Variants in C19orf47 observed in about 807,000 individuals in gnomAD.
The protein encoded by C19orf47 is chromosome 19 open reading frame 47.
In C19orf47, 18 loss-of-function variants were observed where a neutral mutation model predicts 32.3. The ratio of observed to expected loss-of-function variants is 0.56; its 90% confidence interval spans 0.39 to 0.83. C19orf47 has a LOEUF of 0.83. C19orf47 is among the 40% of genes least tolerant of loss of function. The probability of loss-of-function intolerance (pLI) is 0.00; values close to 1 mark genes in which losing one functional copy is unlikely to be tolerated. For synonymous variants in C19orf47, 202 were observed against 211.1 expected, an observed-to-expected ratio of 0.96 and a Z score of 0.37; for missense variants, 484 against 531.6, an observed-to-expected ratio of 0.91 and a Z score of 0.88.
Position 40,321,132 on chromosome 19 carries a change from G to T in C19orf47, c.*750C>A. The T allele has an allele frequency of 1.5e-6, 1 of 668,536 alleles. No homozygotes were observed. The highest frequency in any genetic ancestry group is 1.9e-6 in the Non-Finnish European group (1 of 538,956). 41.4% of individuals were successfully genotyped at this position (668,536 alleles called of 1,614,324 possible). A position where few individuals can be genotyped will look rare whatever the true frequency, so the allele number is the denominator to read the frequency against. On this transcript the variant is annotated 3_prime_UTR_variant, in exon 9 of 9. Transcript: ENST00000683109. ...CTAGGCACTGGCCTCCCTTCCCAGT[G>T]CCCCTTGCCCACCACCCGCCATACA...
At chr19:40,295,538 G>A in the C19orf47 span, among the ~76,000 whole-genome samples, 6 of 151,266 alleles carry the variant, frequency 4.0e-5, no homozygotes, top group African/African-American at 1.2e-4. Flanking sequence ...AGGTTCAAGC[G>A]ATTCTCCCTG....
intron 1 of C19orf47, 109 bp downstream of exon 1, chr19:40,348,215 T>C (rs2078365453): frequency 2.6e-5 from 18 of 684,312 alleles, no homozygotes; most frequent in Non-Finnish European, 3.8e-5. Flanking sequence ...AAGAAACAAA[T>C]CGTAAGTCCG....
At chr19:40,337,322 A>ATTATTATTATTATT (rs1568621554) in intron 2 of C19orf47, among the ~76,000 whole-genome samples, 50 of 149,812 alleles carry the variant, frequency 3.3e-4, no homozygotes, top group African/African-American at 1.1e-3. Context: ...TATTATTATT[A>ATTATTATTATTATT]CTATTACTCC....
chr19:40,337,513 T>C (rs2078089309), intron 2 of C19orf47, among the ~76,000 whole-genome samples: 1 of 151,988 alleles, frequency 6.6e-6, no homozygotes, highest in Non-Finnish European at 1.5e-5. Context: ...CATTTTGACA[T>C]CTCTGAAACT....
chr19:40,322,169 T>A lies in C19orf47; in HGVS notation c.871A>T (p.Thr291Ser). Reference protein sequence around the residue: ...TSSATTAAAPTLRRLALSSRS... With the variant: ...TSSATTAAAPSLRRLALSSRS... ...GAGGAAAGCGCCAGGCGCCGCAGTG[T>A]CGGGGCAGCAGCCGTTGTCGCTGAG... is the stretch of plus-strand genomic sequence containing the variant. The change falls in exon 9 of 9, where the codon ACA becomes TCA. Residue 291 changes from threonine to serine, a missense_variant. Around this residue, in one of 3 missense-constraint regions of C19orf47, gnomAD observed 376 missense variants for 370.2 expected, o/e 1.02. Transcript: ENST00000683109. 1 of 1,612,690 alleles carries A rather than the reference T, an allele frequency of 6.2e-7. No individual in the cohort carries two copies. The highest frequency in any genetic ancestry group is 8.5e-7 in the Non-Finnish European group (1 of 1,179,812).
In C19orf47 at chr19:40,321,891, C is replaced by T. The variant is rs759745203; in HGVS notation, c.1149G>A (p.Arg383=). The part of the protein sequence containing the change: ...TVSVFKRLGR[R]TF The stretch of plus-strand genomic sequence containing the variant: ...CCCGCCCACAGGTGGGCTAGAAGGT[C>T]CTGCGGCCCAGTCTTTTGAACACGC... The change falls in exon 9 of 9, where the codon AGG becomes AGA. Residue 383 remains arginine, a synonymous_variant. Transcript: ENST00000683109. 51 of 1,594,822 alleles carry T rather than the reference C, an allele frequency of 3.2e-5. 1 individual carries two copies. In the South Asian group the frequency reaches 5.5e-4, roughly 17 times the overall value.
Position 40,348,332 on chromosome 19 carries a change from C to A in C19orf47, c.-42G>T. On this transcript the variant is annotated 5_prime_UTR_variant, in exon 1 of 9. Coordinates refer to ENST00000683109, the MANE Select transcript of C19orf47 (RefSeq NM_001256441.2). Reference sequence around the variant, plus strand: ...CCCGGCCCGCGCCTCACCTGGCCCACCGGGCCCGCGCCCACTCGCGCCGCC... The same window carrying A: ...CCCGGCCCGCGCCTCACCTGGCCCAACGGGCCCGCGCCCACTCGCGCCGCC... The A allele has an allele frequency of 7.4e-7, 1 of 1,359,532 alleles. No homozygotes were observed. The highest frequency in any genetic ancestry group is 9.4e-7 in the Non-Finnish European group (1 of 1,058,776). The allele number at this position is 1,359,532 out of a possible 1,614,324, so 84.2% of individuals were successfully genotyped here. A position where few individuals can be genotyped will look rare whatever the true frequency, so the allele number is the denominator to read the frequency against.
rs2077734337 is a variant in C19orf47, at chr19:40,322,211, T to G, written c.829A>C (p.Lys277Gln). The G allele has an allele frequency of 6.2e-7, 1 of 1,610,574 alleles. No homozygotes were observed. The highest frequency in any genetic ancestry group is 8.5e-7 in the Non-Finnish European group (1 of 1,179,964). Residue 277 changes from lysine (K) to glutamine (Q), a missense_variant, in exon 9 of 9, where the codon AAA becomes CAA. Physicochemically the swap from Lys to Gln is moderately conservative, Grantham distance 53. Coordinates refer to ENST00000683109, the MANE Select transcript of C19orf47 (RefSeq NM_001256441.2). ...KASPQPALTV[K>Q]AKATSSATTA... ...GTCGCTGAGCTTGTGGCCTTGGCTT[T>G]GACAGTCAGTGCTGGCTGGGGACTG...
chr19:40,294,428 T>A, the C19orf47 span, among the ~76,000 whole-genome samples: 1 of 148,716 alleles, frequency 6.7e-6, no homozygotes, highest in Admixed American at 6.7e-5. Flanking sequence ...GTTTGGTTAT[T>A]TTTTTTTTTG....
intron 8 of C19orf47, among the ~76,000 whole-genome samples, chr19:40,322,930 C>T (rs925121518): frequency 1.3e-5 from 2 of 152,190 alleles, no homozygotes; most frequent in African/African-American, 4.8e-5. Flanking sequence ...CGGAGAAGGA[C>T]AGCTGGAGGG....
At chr19:40,317,835 T>C (rs1203305812), downstream of C19orf47, among the ~76,000 whole-genome samples, 1 of 151,964 alleles carries the variant, frequency 6.6e-6, no homozygotes, top group Non-Finnish European at 1.5e-5. Context: ...TTCTCGTGTC[T>C]CAGCCTCCCA....
chr19:40,315,339 T>C (rs1791979650), downstream of C19orf47, among the ~76,000 whole-genome samples: 1 of 152,192 alleles, frequency 6.6e-6, no homozygotes, highest in Non-Finnish European at 1.5e-5. Context: ...TCTCAATTTT[T>C]TCTGCAACTC....
chr19:40,334,274 C>T lies in C19orf47; in HGVS notation c.223-345G>A, dbSNP rs183511379. 2.7e-3 allele frequency among the ~76,000 whole-genome samples: 418 copies of T among 152,004 alleles called. 1 individual carries two copies. The highest frequency in any genetic ancestry group is 4.4e-3 in the Non-Finnish European group (299 of 67,986). On this transcript the variant is annotated intron_variant, in intron 4 of 8. Transcript: ENST00000683109. ...GACCAGCCTGGCCAACACAGTGGGA[C>T]GCTTATCTCTAGAAAAAATTAAAAA...
intron 1 of C19orf47, among the ~76,000 whole-genome samples, chr19:40,346,118 T>C (rs937098353): frequency 2.1e-5 from 3 of 144,242 alleles, no homozygotes; most frequent in African/African-American, 7.8e-5. Context: ...ACTGTACCAC[T>C]ACACTCCAGC....
At position 40,347,233 on chromosome 19, in the gene C19orf47, T is replaced by C. The variant is rs138680275; in HGVS notation, c.-34+1091A>G. 3.1e-3 allele frequency among the ~76,000 whole-genome samples: 478 copies of C among 152,220 alleles called. 2 individuals carry two copies. The highest frequency in any genetic ancestry group is 0.011 in the African/African-American group (452 of 41,546). On this transcript the variant is annotated intron_variant, in intron 1 of 8. Coordinates refer to ENST00000683109, the MANE Select transcript of C19orf47 (RefSeq NM_001256441.2). ...CATGGCCAGCAATGCTAGTTTTCCA[T>C]TGAAGACAGCAATGCGCCGGGCACG...
At chr19:40,335,052 G>T (rs1168790880) in intron 4 of C19orf47, 1 of 139,956 alleles carries the variant, frequency 7.1e-6, no homozygotes. Flanking sequence ...GAGGGAGGGA[G>T]GGAGGGAGGA....
intron 7 of C19orf47, among the ~76,000 whole-genome samples, chr19:40,325,936 G>T (rs535285134): frequency 6.6e-6 from 1 of 152,118 alleles, no homozygotes; most frequent in Non-Finnish European, 1.5e-5. Flanking sequence ...CACCACACCC[G>T]ACCAAGAGAT....
At chr19:40,330,966 C>T (rs1328661276) in intron 5 of C19orf47, among the ~76,000 whole-genome samples, 1 of 152,148 alleles carries the variant, frequency 6.6e-6, no homozygotes, top group African/African-American at 2.4e-5. Flanking sequence ...GTTTCCATTA[C>T]TGGATTTGGG....
the C19orf47 span, among the ~76,000 whole-genome samples, chr19:40,293,976 A>G: frequency 3.3e-5 from 5 of 151,970 alleles, no homozygotes; most frequent in Admixed American, 1.3e-4. Flanking sequence ...AAAAATTAGC[A>G]AAGCATGGTG....
Sources: gnomAD v4.1 joint callset for allele counts (sites outside exome capture counted in the v4.1 genomes callset) on GRCh38, gnomAD v4.1.1 for gene constraint, gnomAD v4.1.1 regional missense constraint, MANE v1.5 for transcripts, NCBI Gene and HGNC (gene_info 2026-07-23, HGNC 2026-07-21) for gene names.